CECR2: variants seen among roughly 807,000 people sequenced by gnomAD.
CECR2 encodes the protein CECR2 histone acetyl-lysine reader, also known as chromatin remodeling regulator CECR2.
A neutral mutation model predicts 154.5 loss-of-function variants in CECR2; 30 were observed. The observed-to-expected ratio is 0.19, with a 90% CI of 0.15 to 0.26. The LOEUF (loss-of-function observed/expected upper bound fraction) is 0.26. CECR2 is among the 10% of genes least tolerant of loss of function. The pLI, the probability that CECR2 is intolerant of heterozygous loss-of-function variation, is 1.00. For missense variants in CECR2, 1,743 were observed against 1,829.3 expected (o/e 0.95, Z 0.86); for synonymous variants, 725 against 683.7 (o/e 1.06, Z -0.94).
chr22:17,507,558 T>C (rs2055869696), intron 7 of CECR2, among the ~76,000 whole-genome samples: 1 of 152,192 alleles, frequency 6.6e-6, no homozygotes, highest in Non-Finnish European at 1.5e-5. Context: ...TTCTGCTTTT[T>C]TACTGCTATA....
chr22:17,400,776 G>C (rs995585926), intron 1 of CECR2, among the ~76,000 whole-genome samples: 2 of 152,132 alleles, frequency 1.3e-5, no homozygotes, highest in African/African-American at 4.8e-5. Flanking sequence ...TTTTGAGACA[G>C]GGTCTCCCTC....
chr22:17,391,475 G>A lies in CECR2; in HGVS notation c.126+21566G>A, dbSNP rs547342482. ...CAGGCTTTGCCCAAGGTCTGGACCT[G>A]TCACTTAGCCCTGTTGAGCCTCAGC... On this transcript the variant is annotated intron_variant, in intron 1 of 18. Transcript: ENST00000262608. Among the ~76,000 whole-genome samples the A allele has an allele frequency of 3.9e-5, 6 of 152,370 alleles. No homozygotes were observed. The South Asian group carries it at 1.0e-3, about 26-fold the overall frequency.
chr22:17,546,963 C>G (rs2056623535), intron 16 of CECR2, among the ~76,000 whole-genome samples: 1 of 144,720 alleles, frequency 6.9e-6, no homozygotes, highest in South Asian at 2.2e-4. Flanking sequence ...CACTTGAACC[C>G]AGGAGGCGGA....
At chr22:17,392,355 G>A (rs1291759615) in intron 1 of CECR2, among the ~76,000 whole-genome samples, 1 of 152,026 alleles carries the variant, frequency 6.6e-6, no homozygotes, top group Non-Finnish European at 1.5e-5. Flanking sequence ...AGGCATGGTG[G>A]TGCATGCCTG....
At chr22:17,502,986 T>C (rs1601470676) in intron 5 of CECR2, 96 bp from the exon 6 acceptor site, 1 of 1,040,784 alleles carries the variant, frequency 9.6e-7, no homozygotes, top group East Asian at 2.6e-5. Flanking sequence ...ACACTCTCTT[T>C]GTGTTAAATT....
intron 2 of CECR2, among the ~76,000 whole-genome samples, chr22:17,489,939 G>T (rs2055495527): frequency 6.7e-6 from 1 of 149,704 alleles, no homozygotes; most frequent in African/African-American, 2.5e-5. Flanking sequence ...CAAAAAACAG[G>T]CATTTAAAGC....
chr22:17,400,364 G>C, intron 1 of CECR2, among the ~76,000 whole-genome samples: 1 of 152,196 alleles, frequency 6.6e-6, no homozygotes, highest in South Asian at 2.1e-4. Flanking sequence ...AGTCACTGAG[G>C]TGTGTGGAGT....
intron 2 of CECR2, among the ~76,000 whole-genome samples, chr22:17,483,841 C>G (rs1274199748): frequency 2.6e-5 from 4 of 152,210 alleles, no homozygotes; most frequent in Non-Finnish European, 5.9e-5. Context: ...GTTACTGATT[C>G]ACCCAGAGCA....
intron 1 of CECR2, among the ~76,000 whole-genome samples, chr22:17,406,959 A>C (rs560197199): frequency 2.0e-5 from 3 of 152,208 alleles, no homozygotes; most frequent in Non-Finnish European, 4.4e-5. Flanking sequence ...GAGGTAAACA[A>C]GCAGATGTGT....
intron 1 of CECR2, among the ~76,000 whole-genome samples, chr22:17,476,344 A>G (rs1423870009): frequency 1.3e-5 from 2 of 151,972 alleles, no homozygotes; most frequent in Non-Finnish European, 2.9e-5. Context: ...ATTTCACTGC[A>G]ATCTCTGCCT....
intron 1 of CECR2, among the ~76,000 whole-genome samples, chr22:17,446,382 C>T (rs56326307): frequency 0.64 from 97,214 of 151,984 alleles, 31,454 homozygotes; most frequent in South Asian, 0.73. Context: ...ACATCAAGAA[C>T]GAAGCCACGG....
In CECR2 at chr22:17,556,204, G is replaced by A. The variant is rs776076790; in HGVS notation, c.*3364G>A. 3.3e-5 allele frequency: 5 copies of A among 152,020 alleles called. No homozygotes were observed. Among genetic ancestry groups the A allele is most frequent in the African/African-American group, 7.3e-5 (3 of 41,370 alleles). 9.4% of individuals were successfully genotyped at this position (152,020 alleles called of 1,614,324 possible). ...GTTTAGTTTACCTGGCCGTACACAC[G>A]AGCTGCTCATCAACAGTTCGTATCT... On this transcript the variant is annotated 3_prime_UTR_variant, in exon 19 of 19. Coordinates refer to ENST00000262608, the MANE Select transcript of CECR2 (RefSeq NM_001290047.2).
chr22:17,398,314 C>G lies in CECR2; in HGVS notation c.126+28405C>G, dbSNP rs566963148. On this transcript the variant is annotated intron_variant, in intron 1 of 18. Transcript: ENST00000262608. ...CTCGTCCGATCTGGCTCAGTGACTG[C>G]TCAGATGTTGCTTACTCTTCACTGA... Among the ~76,000 whole-genome samples, 255 of 152,150 alleles carry G rather than the reference C, an allele frequency of 1.7e-3. 1 individual carries two copies. Among genetic ancestry groups the G allele is most frequent in the African/African-American group, 5.8e-3 (240 of 41,510 alleles).
intron 1 of CECR2, among the ~76,000 whole-genome samples, chr22:17,378,523 C>G (rs1158919795): frequency 1.3e-5 from 2 of 151,926 alleles, no homozygotes; most frequent in African/African-American, 4.8e-5. Flanking sequence ...GTCGCAATCT[C>G]CTGACCCCCT....
intron 1 of CECR2, among the ~76,000 whole-genome samples, chr22:17,427,698 G>T (rs534338181): frequency 1.5e-4 from 23 of 152,134 alleles, no homozygotes; most frequent in Non-Finnish European, 2.9e-4. Flanking sequence ...GGCAGGTTGC[G>T]GCTGCTGGCT....
chr22:17,417,009 T>C lies in CECR2; in HGVS notation c.126+47100T>C, dbSNP rs971773881. Among the ~76,000 whole-genome samples, 5 of 144,810 alleles carry C rather than the reference T, an allele frequency of 3.5e-5. 1 individual carries two copies. The East Asian group carries it at 1.0e-3, about 29-fold the overall frequency. On this transcript the variant is annotated intron_variant, in intron 1 of 18. Transcript: ENST00000262608. ...TCTTGATACGTATATCACATCAACATTGTCAGATTCTTTTTTTTTTTTTTT... is the reference window on the plus strand; with the variant it reads ...TCTTGATACGTATATCACATCAACACTGTCAGATTCTTTTTTTTTTTTTTT...
chr22:17,485,116 C>T (rs1323860788), intron 2 of CECR2, among the ~76,000 whole-genome samples: 3 of 152,180 alleles, frequency 2.0e-5, no homozygotes, highest in Admixed American at 6.5e-5. Flanking sequence ...ATGTCCTGGA[C>T]GCTGCCAACT....
chr22:17,451,147 T>C (rs906307572), intron 1 of CECR2, among the ~76,000 whole-genome samples: 1 of 152,186 alleles, frequency 6.6e-6, no homozygotes, highest in African/African-American at 2.4e-5. Flanking sequence ...TGAGACAAAA[T>C]TGATTTAAGT....
intron 9 of CECR2, among the ~76,000 whole-genome samples, chr22:17,533,543 T>C (rs1034589055): frequency 6.7e-6 from 1 of 150,142 alleles, no homozygotes; most frequent in Admixed American, 6.7e-5. Context: ...GGCACGAGAA[T>C]TGCTTGAACC....
Sources: allele counts gnomAD v4.1 joint callset (sites outside exome capture counted in the v4.1 genomes callset), GRCh38; gene constraint gnomAD v4.1.1; transcripts MANE v1.5; gene names NCBI Gene and HGNC (gene_info 2026-07-23, HGNC 2026-07-21).